Variants in TTC21A observed in about 807,000 individuals in gnomAD.
TTC21A encodes tetratricopeptide repeat domain 21A.
In TTC21A, 128 loss-of-function variants were observed where a neutral mutation model predicts 156.4. That is an observed-to-expected ratio of 0.82 (90% CI 0.71 to 0.95). The LOEUF (loss-of-function observed/expected upper bound fraction) is 0.95. Ranked by LOEUF, TTC21A falls within the 40% of genes least tolerant of loss-of-function variation. TTC21A has a pLI of 0.00. For synonymous variants in TTC21A, 587 were observed against 617.1 expected (o/e 0.95, Z 0.72); for missense variants, 1,435 against 1,602.3 (o/e 0.90, Z 1.78).
intron 4 of TTC21A, among the ~76,000 whole-genome samples, chr3:39,111,583 G>A (rs1029528370): frequency 2.0e-5 from 3 of 152,122 alleles, no homozygotes; most frequent in African/African-American, 7.2e-5. Context: ...CCTCAGTCTA[G>A]GCCATGCCTT....
chr3:39,137,586 C>T lies in TTC21A; in HGVS notation c.3551C>T (p.Pro1184Leu), dbSNP rs371678454. 9.7e-5 allele frequency: 157 copies of T among 1,614,114 alleles called. No individual in the cohort carries two copies. The highest frequency in any genetic ancestry group is 1.3e-4 in the Non-Finnish European group (153 of 1,180,040). ...CAGTTGAAGCGCCTGGCCAAGACCC[C>T]CTGGGTGCTGAGTGAGGCTGAGGAC... ...RMQLKRLAKT[P>L]WVLSEAEDLE... Residue 1184 changes from proline (P) to leucine (L), a missense_variant, in exon 26 of 29, where the codon CCC becomes CTC. Coordinates refer to ENST00000683103, the MANE Select transcript of TTC21A (RefSeq NM_001366900.1).
In TTC21A at chr3:39,128,327, C is replaced by A. The variant is rs1198888677; in HGVS notation, c.1523-4C>A. On this transcript the variant is annotated splice_polypyrimidine_tract_variant and splice_region_variant and intron_variant, in intron 12 of 28. Transcript: ENST00000683103. The stretch of plus-strand genomic sequence containing the variant: ...GCATGTAGAGGTTTGTGTATTATTT[C>A]TAGGAGAGCTAGAGAATGCCCAGAG... 3 of 1,613,694 alleles carry A rather than the reference C, an allele frequency of 1.9e-6. No individual in the cohort carries two copies. Among genetic ancestry groups the A allele is most frequent in the Admixed American group, 3.3e-5 (2 of 59,970 alleles).
intron 5 of TTC21A, among the ~76,000 whole-genome samples, chr3:39,114,134 A>G (rs1410088718): frequency 6.6e-6 from 1 of 152,258 alleles, no homozygotes; most frequent in Non-Finnish European, 1.5e-5. Context: ...TTGCTATAGA[A>G]GTAGTTGCCA....
At chr3:39,138,178 G>C in intron 26 of TTC21A, 89 bp from the exon 27 acceptor site, 2 of 1,586,544 alleles carry the variant, frequency 1.3e-6, no homozygotes, top group Non-Finnish European at 1.7e-6. Context: ...TCCCTTGCCT[G>C]CTTCTGGTTC....
intron 22 of TTC21A, among the ~76,000 whole-genome samples, chr3:39,135,780 G>T (rs2039067389): frequency 6.6e-6 from 1 of 152,180 alleles, no homozygotes; most frequent in African/African-American, 2.4e-5. Context: ...CCTAGGCCGG[G>T]CATGGTGGCT....
In TTC21A at chr3:39,137,597, A is replaced by C. The variant is rs1372495694; in HGVS notation, c.3562A>C (p.Ser1188Arg). 1.2e-5 allele frequency: 20 copies of C among 1,614,108 alleles called. No homozygotes were observed. The highest frequency in any genetic ancestry group is 1.7e-5 in the Non-Finnish European group (20 of 1,180,042). The change falls in exon 26 of 29, where the codon AGT (serine) becomes CGT (arginine). Residue 1188 changes from serine to arginine, a missense_variant. Ser to Arg is a moderately radical substitution (Grantham distance 110). Coordinates refer to ENST00000683103, the MANE Select transcript of TTC21A (RefSeq NM_001366900.1). ...KRLAKTPWVL[S>R]EAEDLEKSWL... ...CCTGGCCAAGACCCCCTGGGTGCTG[A>C]GTGAGGCTGAGGACCTGGAGAAGAG... is the stretch of plus-strand genomic sequence containing the variant.
chr3:39,111,548 A>G (rs1414221766), intron 4 of TTC21A, among the ~76,000 whole-genome samples: 1 of 152,148 alleles, frequency 6.6e-6, no homozygotes, highest in Non-Finnish European at 1.5e-5. Flanking sequence ...TATACTGTAT[A>G]TCTGCACTAA....
intron 9 of TTC21A, among the ~76,000 whole-genome samples, chr3:39,121,417 C>A (rs2037758741): frequency 6.6e-6 from 1 of 152,194 alleles, no homozygotes; most frequent in African/African-American, 2.4e-5. Context: ...ACCAGACCTC[C>A]AATGTCTGTC....
intron 19 of TTC21A, among the ~76,000 whole-genome samples, chr3:39,132,489 A>T (rs181841800): frequency 2.6e-5 from 4 of 152,274 alleles, no homozygotes; most frequent in African/African-American, 9.6e-5. Flanking sequence ...ACTGTTTGAG[A>T]TGATTTATCC....
Position 39,126,306 on chromosome 3 carries a change from G to A in TTC21A, c.1438G>A (p.Ala480Thr), listed in dbSNP as rs1266857260. The A allele has an allele frequency of 2.5e-6, 4 of 1,613,986 alleles. No homozygotes were observed. Among genetic ancestry groups the A allele is most frequent in the Non-Finnish European group, 8.5e-7 (1 of 1,179,990 alleles). ...CGTGTCTCCACTTCTTAAACAAGTC[G>A]CCGTGATCTTGAATCCTGTAGTCAA... ...QIVSPLLKQV[A>T]VILNPVVKAA... Residue 480 changes from alanine (A) to threonine (T), a missense_variant, in exon 12 of 29, where the codon GCC becomes ACC. Ala to Thr is a moderately conservative substitution (Grantham distance 58). Coordinates refer to ENST00000683103, the MANE Select transcript of TTC21A (RefSeq NM_001366900.1).
chr3:39,107,885 CCGAGGGCTCCCT>C, intron 1 of TTC21A, 21 bp downstream of exon 1: 1 of 1,611,868 alleles, frequency 6.2e-7, no homozygotes, highest in Non-Finnish European at 8.5e-7. Context: ...CGGGCGCTGT[CCGAGGGCTCCCT>C]CGTGACTCCC....
Position 39,134,677 on chromosome 3 carries a change from A to G in TTC21A, c.2862+349A>G, listed in dbSNP as rs1420000941. The G allele has an allele frequency of 2.1e-6, 1 of 472,442 alleles. No homozygotes were observed. 29.3% of individuals were successfully genotyped at this position (472,442 alleles called of 1,614,324 possible). On this transcript the variant is annotated intron_variant, in intron 21 of 28. Transcript: ENST00000683103. The surrounding 1 kb of genome is among the most constrained non-coding windows in gnomAD (Gnocchi z 4.6). ...CGGTCCTGCCTCTCTCTTCCCTATC[A>G]TCCAGACCTCCTCTAGGGCTGGCCC...
At chr3:39,115,365 A>C (rs1305261643) in intron 6 of TTC21A, among the ~76,000 whole-genome samples, 1 of 151,782 alleles carries the variant, frequency 6.6e-6, no homozygotes, top group Non-Finnish European at 1.5e-5. Flanking sequence ...AAAAAAAATT[A>C]TCTCTTTAAA....
At position 39,120,977 on chromosome 3, in the gene TTC21A, C is replaced by T. The variant is rs200375349; in HGVS notation, c.901-20C>T. 5.6e-5 allele frequency: 88 copies of T among 1,578,208 alleles called. 2 individuals carry two copies. In the Middle Eastern group the frequency reaches 6.9e-4, roughly 12 times the overall value. ...CTGGACTGACTGGTTTCCCAATTCC[C>T]ACCTTCCTGTTTCTTGCAGTGTGGG... On this transcript the variant is annotated intron_variant, in intron 8 of 28. Coordinates refer to ENST00000683103, the MANE Select transcript of TTC21A (RefSeq NM_001366900.1).
intron 6 of TTC21A, among the ~76,000 whole-genome samples, chr3:39,116,970 A>G (rs1386333951): frequency 6.6e-6 from 1 of 152,160 alleles, no homozygotes; most frequent in Non-Finnish European, 1.5e-5. Context: ...GCATCCCAAA[A>G]TGCTAGGATT....
At chr3:39,113,986 A>C (rs577223593) in intron 5 of TTC21A, among the ~76,000 whole-genome samples, 1 of 152,348 alleles carries the variant, frequency 6.6e-6, no homozygotes, top group African/African-American at 2.4e-5. Context: ...AGTCTTTTAG[A>C]AGCATTGCCC....
At chr3:39,112,995 A>G (rs535100061) in intron 5 of TTC21A, among the ~76,000 whole-genome samples, 60 of 152,144 alleles carry the variant, frequency 3.9e-4, no homozygotes, top group African/African-American at 1.3e-3. Context: ...GAAGGGAGGT[A>G]TATATTTTAT....
chr3:39,130,087 G>A lies in TTC21A; in HGVS notation c.2144G>A (p.Cys715Tyr). ...GTTACTCTTGCTTGCAGTGAGCTCT[G>A]TGAACATCTGCCTGGCCCCCACACC... ...RLYIRCYREL[C>Y]EHLPGPHTSL... Residue 715 changes from cysteine (C) to tyrosine (Y), a missense_variant, in exon 16 of 29, where the codon TGT becomes TAT. By Grantham distance (194) the Cys-to-Tyr change is radical. Transcript: ENST00000683103. The surrounding 1 kb of genome is among the most constrained non-coding windows in gnomAD (Gnocchi z 4.5). 3.1e-6 allele frequency: 5 copies of A among 1,614,154 alleles called. No homozygotes were observed.
At chr3:39,112,120 T>A (rs1167642253) in intron 4 of TTC21A, among the ~76,000 whole-genome samples, 1 of 152,082 alleles carries the variant, frequency 6.6e-6, no homozygotes, top group Non-Finnish European at 1.5e-5. Flanking sequence ...AATGACAGGA[T>A]AGGTGAGTGT....
Sources: gnomAD v4.1 joint callset for allele counts (sites outside exome capture counted in the v4.1 genomes callset) on GRCh38, gnomAD v4.1.1 for gene constraint, Gnocchi (gnomAD v3.1) non-coding constraint, MANE v1.5 for transcripts, NCBI Gene and HGNC (gene_info 2026-07-23, HGNC 2026-07-21) for gene names.